Variants in NOVA1 observed in about 807,000 individuals in gnomAD.
NOVA1 encodes the protein NOVA alternative splicing regulator 1, also known as RNA-binding protein Nova-1.
A neutral mutation model predicts 38.0 loss-of-function variants in NOVA1; 7 were observed. That is an observed-to-expected ratio of 0.18 (90% CI 0.10 to 0.35). The LOEUF (loss-of-function observed/expected upper bound fraction) is 0.35, where lower values mean the gene tolerates loss of function less well. NOVA1 is among the 10% of genes least tolerant of loss of function. The probability of loss-of-function intolerance (pLI) is 1.00; values close to 1 mark genes in which losing one functional copy is unlikely to be tolerated. For missense variants in NOVA1, 460 were observed against 616.0 expected (o/e 0.75, Z 2.68); for synonymous variants, 270 against 232.5 (o/e 1.16, Z -1.47).
chr14:26,452,668 A>G (rs779956861), intron 4 of NOVA1, among the ~76,000 whole-genome samples: 32 of 152,220 alleles, frequency 2.1e-4, no homozygotes, highest in Non-Finnish European at 3.8e-4. Flanking sequence ...GAATCGGGAG[A>G]AAAGAACTGA....
intron 2 of NOVA1, among the ~76,000 whole-genome samples, chr14:26,527,193 A>G (rs562631710): frequency 1.2e-3 from 116 of 100,692 alleles, no homozygotes; most frequent in South Asian, 6.4e-3. Context: ...TATATTTTCA[A>G]TGACTGATAC....
intron 2 of NOVA1, among the ~76,000 whole-genome samples, chr14:26,578,354 AC>A (rs35799023): frequency 0.68 from 87,185 of 128,090 alleles, 30,140 homozygotes; most frequent in Non-Finnish European, 0.79. Context: ...AAAGAAACAC[AC>A]TTTTTTTTTT....
chr14:26,545,963 C>T (rs1741066136), intron 2 of NOVA1, among the ~76,000 whole-genome samples: 1 of 151,754 alleles, frequency 6.6e-6, no homozygotes, highest in Non-Finnish European at 1.5e-5. Context: ...TTTACGCAAA[C>T]TTATACATTT....
intron 2 of NOVA1, among the ~76,000 whole-genome samples, chr14:26,540,496 C>T (rs1890396176): frequency 6.6e-6 from 1 of 152,096 alleles, no homozygotes; most frequent in Non-Finnish European, 1.5e-5. Context: ...TGGCATGTAA[C>T]CATATTTTTA....
At chr14:26,522,027 A>C (rs1888937407) in intron 2 of NOVA1, among the ~76,000 whole-genome samples, 1 of 152,052 alleles carries the variant, frequency 6.6e-6, no homozygotes, top group South Asian at 2.1e-4. Context: ...ATGAAATCTT[A>C]TGTATTTTAT....
At chr14:26,460,729 T>C (rs968668649) in intron 4 of NOVA1, among the ~76,000 whole-genome samples, 3 of 152,068 alleles carry the variant, frequency 2.0e-5, no homozygotes, top group African/African-American at 7.2e-5. Flanking sequence ...TTTTTTTAAT[T>C]CCAAAACGAG....
At chr14:26,507,799 G>A (rs528820906) in intron 2 of NOVA1, among the ~76,000 whole-genome samples, 1 of 152,046 alleles carries the variant, frequency 6.6e-6, no homozygotes, top group South Asian at 2.1e-4. Flanking sequence ...AAATGTGTAT[G>A]ACTTTAATTA....
chr14:26,469,807 C>A (rs949128385), intron 4 of NOVA1, among the ~76,000 whole-genome samples: 1 of 152,066 alleles, frequency 6.6e-6, no homozygotes, highest in Non-Finnish European at 1.5e-5. Flanking sequence ...TGTTATGTTG[C>A]CCAGGATGGT....
Position 26,534,960 on chromosome 14 carries a change from G to C in NOVA1, c.281-54817C>G, listed in dbSNP as rs1889967242. ...AAAGGAACCAGACCTGTTGAGGCTT[G>C]ATTTTAACCCAGTAAGGCTGATTTT... On this transcript the variant is annotated intron_variant, in intron 2 of 4. Transcript: ENST00000539517. 3.3e-5 allele frequency among the ~76,000 whole-genome samples: 5 copies of C among 152,138 alleles called. No individual in the cohort carries two copies. The South Asian group carries it at 1.0e-3, about 31-fold the overall frequency.
At chr14:26,541,736 A>C (rs1890478484) in intron 2 of NOVA1, among the ~76,000 whole-genome samples, 1 of 151,636 alleles carries the variant, frequency 6.6e-6, no homozygotes, top group South Asian at 2.1e-4. Flanking sequence ...TGTAAATAGA[A>C]TGTTTGAATT....
At chr14:26,480,290 TG>T (rs1199520159) in intron 2 of NOVA1, 147 bp from the exon 3 acceptor site, 41 of 679,644 alleles carry the variant, frequency 6.0e-5, no homozygotes, top group Non-Finnish European at 9.8e-5. Flanking sequence ...AATATATACA[TG>T]TCTCTTCTCA....
chr14:26,564,454 A>T (rs1008179023), intron 2 of NOVA1, among the ~76,000 whole-genome samples: 1 of 152,128 alleles, frequency 6.6e-6, no homozygotes, highest in Admixed American at 6.6e-5. Flanking sequence ...GTGGATACTA[A>T]GGGGCAGAAA....
chr14:26,546,061 A>G (rs939605300), intron 2 of NOVA1, among the ~76,000 whole-genome samples: 17 of 152,142 alleles, frequency 1.1e-4, no homozygotes, highest in Non-Finnish European at 5.9e-5. Flanking sequence ...TAAAATAAGA[A>G]AAGCAAAGAT....
Position 26,449,925 on chromosome 14 carries a change from T to C in NOVA1, c.520-962A>G, listed in dbSNP as rs77693572. On this transcript the variant is annotated intron_variant, in intron 4 of 4. Coordinates refer to ENST00000539517, the MANE Select transcript of NOVA1 (RefSeq NM_002515.3). ...TATTTTGACTTAATCACAATAAAAA[T>C]TATTATAAGAAATATCAAATCAATA... is the stretch of plus-strand genomic sequence containing the variant. Among the ~76,000 whole-genome samples, 14 of 152,182 alleles carry C rather than the reference T, an allele frequency of 9.2e-5. No individual in the cohort carries two copies. In the East Asian group the frequency reaches 2.5e-3, roughly 27 times the overall value.
rs1174704470 is a variant in NOVA1, at chr14:26,597,707, A to G, written c.-271T>C. 5.3e-6 allele frequency: 6 copies of G among 1,122,884 alleles called. No homozygotes were observed. The highest frequency in any genetic ancestry group is 6.5e-6 in the Non-Finnish European group (6 of 921,580). 69.6% of individuals were successfully genotyped at this position (1,122,884 alleles called of 1,614,324 possible). ...GAGGGGGTGTGAGAGACGGAGGGTG[A>G]AAGAAGAAGAAGAAAGGAGACAGGG... On this transcript the variant is annotated 5_prime_UTR_variant, in exon 1 of 5. Transcript: ENST00000539517.
chr14:26,466,936 G>T (rs1884190623), intron 4 of NOVA1, among the ~76,000 whole-genome samples: 1 of 152,070 alleles, frequency 6.6e-6, no homozygotes, highest in Admixed American at 6.5e-5. Context: ...AGAGCTGTGA[G>T]AAAAAATGTT....
chr14:26,492,087 T>G (rs1029890275), intron 2 of NOVA1, among the ~76,000 whole-genome samples: 2 of 152,216 alleles, frequency 1.3e-5, no homozygotes, highest in East Asian at 3.9e-4. Flanking sequence ...TCCTTAGGTC[T>G]TCAGTTTTGT....
At chr14:26,481,210 A>T (rs1885428030) in intron 2 of NOVA1, among the ~76,000 whole-genome samples, 1 of 152,054 alleles carries the variant, frequency 6.6e-6, no homozygotes, top group Non-Finnish European at 1.5e-5. Flanking sequence ...AAAAAATGGG[A>T]TTTTAAAATT....
chr14:26,490,611 C>T (rs1886259433), intron 2 of NOVA1, among the ~76,000 whole-genome samples: 1 of 152,124 alleles, frequency 6.6e-6, no homozygotes, highest in Non-Finnish European at 1.5e-5. Context: ...TTTGCACGTG[C>T]TTACTGTTCA....
Sources: allele counts gnomAD v4.1 joint callset (sites outside exome capture counted in the v4.1 genomes callset), GRCh38; gene constraint gnomAD v4.1.1; transcripts MANE v1.5; gene names NCBI Gene and HGNC (gene_info 2026-07-23, HGNC 2026-07-21).